The following RYR3 variants were observed in gnomAD, a reference collection of about 807,000 sequenced individuals.
RYR3 encodes brain ryanodine receptor-calcium release channel.
RYR3 carries 207 observed loss-of-function variants against 584.3 expected under a neutral mutation model. That is an observed-to-expected ratio of 0.35 (90% CI 0.32 to 0.40). The LOEUF (loss-of-function observed/expected upper bound fraction) is 0.40, where lower values mean the gene tolerates loss of function less well. Ranked by LOEUF, RYR3 falls within the 10% of genes least tolerant of loss-of-function variation. The probability of loss-of-function intolerance (pLI) is 1.00; values close to 1 mark genes in which losing one functional copy is unlikely to be tolerated. For synonymous variants in RYR3, 2,416 were observed against 2,248.5 expected (o/e 1.07, Z -2.11); for missense variants, 5,616 against 6,089.2 (o/e 0.92, Z 2.59).
At chr15:33,630,600 A>C (rs1369343462) in intron 22 of RYR3, among the ~76,000 whole-genome samples, 1 of 152,200 alleles carries the variant, frequency 6.6e-6, no homozygotes, top group Admixed American at 6.5e-5. Flanking sequence ...ATGCTCCGTA[A>C]GGTCCCTTGT....
chr15:33,706,167 C>G (rs2066702842), intron 42 of RYR3, among the ~76,000 whole-genome samples: 1 of 151,932 alleles, frequency 6.6e-6, no homozygotes. Flanking sequence ...TTGAGCAGTT[C>G]TTTCTTTGTT....
chr15:33,843,559 C>T lies in RYR3; in HGVS notation c.13281C>T (p.Ile4427=), dbSNP rs1380624787. ...TTGTAGCCTTCGCTATCAACTTCAT[C>T]CTGCTTTTTTATAAGGTGATACTTC... ...ALFVAFAINF[I]LLFYKVTEEP... The change falls in exon 92 of 104, where the codon ATC becomes ATT. Residue 4427 remains isoleucine (I), a synonymous_variant. Transcript: ENST00000634891. 2.5e-6 allele frequency: 4 copies of T among 1,591,762 alleles called. No homozygotes were observed. In the African/African-American group the frequency reaches 4.0e-5, roughly 16 times the overall value.
At chr15:33,615,723 T>C (rs2060415750) in intron 19 of RYR3, among the ~76,000 whole-genome samples, 1 of 152,168 alleles carries the variant, frequency 6.6e-6, no homozygotes, top group Non-Finnish European at 1.5e-5. Flanking sequence ...ATTCTTCCTT[T>C]TTAAATATGT....
chr15:33,810,521 G>A lies in RYR3; in HGVS notation c.10069G>A (p.Gly3357Arg), dbSNP rs1441405400. ...DQERKKTKRRGDLYSIQTSLI... is the reference protein window; with the variant it reads ...DQERKKTKRRRDLYSIQTSLI... ...GGAGCGGAAGAAGACAAAGCGGCGG[G>A]GAGACTTGTATTCCATCCAGACCTC... The change falls in exon 71 of 104, where the codon GGA becomes AGA. Residue 3357 changes from glycine (G) to arginine (R), a missense_variant. Coordinates refer to ENST00000634891, the MANE Select transcript of RYR3 (RefSeq NM_001036.6). 6.2e-7 allele frequency: 1 copy of A among 1,614,010 alleles called. No individual in the cohort carries two copies. Among genetic ancestry groups the A allele is most frequent in the Non-Finnish European group, 8.5e-7 (1 of 1,179,892 alleles).
intron 81 of RYR3, among the ~76,000 whole-genome samples, chr15:33,824,026 C>T (rs934382431): frequency 6.6e-6 from 1 of 151,994 alleles, no homozygotes; most frequent in Admixed American, 6.6e-5. Context: ...GGCTTTTCCC[C>T]ACCAACAGTC....
intron 12 of RYR3, among the ~76,000 whole-genome samples, chr15:33,569,683 T>A (rs1186138867): frequency 6.6e-6 from 1 of 152,214 alleles, no homozygotes; most frequent in African/African-American, 2.4e-5. Context: ...TTTTCCAAAG[T>A]GGATGTAACA....
chr15:33,654,397 C>T (rs1205722334), intron 32 of RYR3, among the ~76,000 whole-genome samples: 1 of 151,756 alleles, frequency 6.6e-6, no homozygotes, highest in African/African-American at 2.4e-5. Flanking sequence ...CACTTGTGGT[C>T]CCAGCTGCTC....
chr15:33,518,685 G>T (rs2053729772), intron 3 of RYR3, among the ~76,000 whole-genome samples: 2 of 152,208 alleles, frequency 1.3e-5, no homozygotes, highest in South Asian at 2.1e-4. Context: ...TCCATTCATA[G>T]ATCAGCAAAG....
chr15:33,481,789 CT>C (rs59354808), intron 2 of RYR3, among the ~76,000 whole-genome samples: 2,390 of 139,304 alleles, frequency 0.017, 22 homozygotes, highest in Non-Finnish European at 0.023. Flanking sequence ...GCCTTGAATA[CT>C]TTTTTTTTTT....
chr15:33,788,316 G>A lies in RYR3; in HGVS notation c.9688G>A (p.Val3230Met), dbSNP rs1486456045. 5 of 1,614,024 alleles carry A rather than the reference G, an allele frequency of 3.1e-6. No individual in the cohort carries two copies. The highest frequency in any genetic ancestry group is 2.2e-5 in the South Asian group (2 of 91,086). ...EKLKKKAVKTVQEEEQLKADG... is the reference protein window; with the variant it reads ...EKLKKKAVKTMQEEEQLKADG... Reference sequence around the variant, plus strand: ...GCTGAAGAAAAAGGCTGTCAAGACGGTGCAGGAGGAGGAGCAGTTGAAAGC... The same window carrying A: ...GCTGAAGAAAAAGGCTGTCAAGACGATGCAGGAGGAGGAGCAGTTGAAAGC... Residue 3230 changes from valine to methionine, a missense_variant, in exon 67 of 104, where the codon GTG becomes ATG. Physicochemically the swap from Val to Met is conservative, Grantham distance 21. Coordinates refer to ENST00000634891, the MANE Select transcript of RYR3 (RefSeq NM_001036.6).
rs74005954 is a variant in RYR3, at chr15:33,697,778, T to G, written c.6135-104T>G. 5.9e-3 allele frequency: 4,106 copies of G among 694,988 alleles called. 140 individuals are homozygous for G. The African/African-American group carries it at 0.065, about 11-fold the overall frequency. 43.1% of individuals were successfully genotyped at this position (694,988 alleles called of 1,614,324 possible). ...CTTATTATCTTTTCAGCCTGTTACT[T>G]TCATATTATTTTGCCCTCTCGTGTG... On this transcript the variant is annotated intron_variant, in intron 39 of 103. Transcript: ENST00000634891.
chr15:33,624,723 C>T (rs1167889449), intron 20 of RYR3, among the ~76,000 whole-genome samples: 2 of 152,166 alleles, frequency 1.3e-5, no homozygotes, highest in African/African-American at 4.8e-5. Flanking sequence ...GAGACACATT[C>T]ACGTGGTATT....
At chr15:33,667,890 C>T (rs1035256427) in intron 36 of RYR3, among the ~76,000 whole-genome samples, 1 of 151,914 alleles carries the variant, frequency 6.6e-6, no homozygotes, top group African/African-American at 2.4e-5. Flanking sequence ...GGTGAAACCC[C>T]ATCTCTACTA....
chr15:33,343,551 C>T (rs180932608), intron 1 of RYR3, among the ~76,000 whole-genome samples: 5 of 152,240 alleles, frequency 3.3e-5, no homozygotes, highest in South Asian at 2.1e-4. Context: ...AATTTTCCTG[C>T]GCTTTCCATC....
chr15:33,426,799 G>C (rs948176421), intron 1 of RYR3, among the ~76,000 whole-genome samples: 1 of 152,142 alleles, frequency 6.6e-6, no homozygotes, highest in African/African-American at 2.4e-5. Context: ...ATATCTCTCA[G>C]TTCTGGAGTC....
chr15:33,454,331 C>T (rs2047367455), intron 1 of RYR3, among the ~76,000 whole-genome samples: 1 of 152,194 alleles, frequency 6.6e-6, no homozygotes, highest in Non-Finnish European at 1.5e-5. Flanking sequence ...GCAGGTAACA[C>T]TGACCTTTTC....
At position 33,390,467 on chromosome 15, in the gene RYR3, T is replaced by C. The variant is rs1332842449; in HGVS notation, c.51+79371T>C. On this transcript the variant is annotated intron_variant, in intron 1 of 103. Coordinates refer to ENST00000634891, the MANE Select transcript of RYR3 (RefSeq NM_001036.6). The surrounding 1 kb of genome is among the most constrained non-coding windows in gnomAD (Gnocchi z 4.2). ...AAAACCTCCTGTGAAGTTGCTTCTC[T>C]TTATCTGTTGATCTTATGATGCTGA... Among the ~76,000 whole-genome samples, 1 of 152,222 alleles carries C rather than the reference T, an allele frequency of 6.6e-6. No individual in the cohort carries two copies. The highest frequency in any genetic ancestry group is 1.5e-5 in the Non-Finnish European group (1 of 68,042).
At chr15:33,315,787 T>C (rs1968082576) in intron 1 of RYR3, among the ~76,000 whole-genome samples, 1 of 152,182 alleles carries the variant, frequency 6.6e-6, no homozygotes, top group Admixed American at 6.5e-5. Flanking sequence ...GTGGCACATA[T>C]CTTCTCTGCC....
chr15:33,647,988 C>CA (rs3085194), intron 30 of RYR3, among the ~76,000 whole-genome samples: 5,572 of 98,158 alleles, frequency 0.057, 218 homozygotes, highest in African/African-American at 0.096. Flanking sequence ...TAGCATCTGG[C>CA]AAAAAAAAAA....
Sources: allele counts gnomAD v4.1 joint callset (sites outside exome capture counted in the v4.1 genomes callset), GRCh38; gene constraint gnomAD v4.1.1; non-coding constraint Gnocchi (gnomAD v3.1); transcripts MANE v1.5; gene names NCBI Gene and HGNC (gene_info 2026-07-23, HGNC 2026-07-21).